SLC2A13: variants seen among roughly 807,000 people sequenced by gnomAD.
SLC2A13 encodes proton myo-inositol cotransporter.
In SLC2A13, 32 loss-of-function variants were observed where a neutral mutation model predicts 64.4. The ratio of observed to expected loss-of-function variants is 0.50; its 90% CI spans 0.37 to 0.67. SLC2A13 has a LOEUF of 0.67. Among genes scored for constraint, SLC2A13 ranks in the 30% least tolerant of loss-of-function variants. The pLI is 0.00. For missense variants in SLC2A13, 743 were observed against 829.2 expected, an observed-to-expected ratio of 0.90 and a Z score of 1.28; for synonymous variants, 338 against 327.1, an observed-to-expected ratio of 1.03 and a Z score of -0.36.
chr12:39,849,310 C>T (rs770349721), intron 6 of SLC2A13, among the ~76,000 whole-genome samples: 5 of 152,076 alleles, frequency 3.3e-5, no homozygotes, highest in African/African-American at 7.2e-5. Context: ...CAGCATTTAG[C>T]GAGCACACTG....
At chr12:39,868,875 G>A (rs145608785) in intron 5 of SLC2A13, among the ~76,000 whole-genome samples, 249 of 152,226 alleles carry the variant, frequency 1.6e-3, no homozygotes, top group African/African-American at 5.7e-3. Context: ...TTTGTATAAA[G>A]AGTTCCTTTG....
chr12:39,839,330 C>T (rs1013612953), intron 6 of SLC2A13, among the ~76,000 whole-genome samples: 11 of 152,012 alleles, frequency 7.2e-5, no homozygotes, highest in African/African-American at 2.7e-4. Context: ...TTTCCTCTCC[C>T]TGTTTAACCA....
intron 7 of SLC2A13, chr12:39,829,802 A>G: frequency 2.9e-6 from 1 of 348,166 alleles, no homozygotes; most frequent in African/African-American, 2.1e-5. Context: ...AACAATATGC[A>G]GTGGGAGAAA....
intron 1 of SLC2A13, among the ~76,000 whole-genome samples, chr12:40,085,026 A>C (rs1157538328): frequency 6.6e-6 from 1 of 152,170 alleles, no homozygotes; most frequent in Non-Finnish European, 1.5e-5. Flanking sequence ...GTAATGATAT[A>C]ATTGATTATG....
chr12:39,978,915 A>G (rs1402763444), intron 3 of SLC2A13, among the ~76,000 whole-genome samples: 17 of 149,370 alleles, frequency 1.1e-4, no homozygotes, highest in Middle Eastern at 6.9e-3. Flanking sequence ...GCAGACTTAA[A>G]TGTCCCTGTC....
chr12:39,891,618 T>C (rs1284865583), intron 4 of SLC2A13, among the ~76,000 whole-genome samples: 3 of 152,192 alleles, frequency 2.0e-5, no homozygotes, highest in Admixed American at 6.5e-5. Context: ...ATGAGTATCA[T>C]TTTCTGCAGC....
intron 3 of SLC2A13, among the ~76,000 whole-genome samples, chr12:39,958,675 G>T (rs1414763055): frequency 6.6e-6 from 1 of 152,108 alleles, no homozygotes; most frequent in Admixed American, 6.5e-5. Flanking sequence ...CAGCCCACCT[G>T]AGAAGATTTG....
intron 3 of SLC2A13, among the ~76,000 whole-genome samples, chr12:40,014,819 A>G (rs1947595864): frequency 6.6e-6 from 1 of 152,202 alleles, no homozygotes; most frequent in African/African-American, 2.4e-5. Flanking sequence ...TATCACCTTC[A>G]TATTCAAAAT....
At chr12:39,986,023 G>T (rs1029093588) in intron 3 of SLC2A13, among the ~76,000 whole-genome samples, 2 of 152,132 alleles carry the variant, frequency 1.3e-5, no homozygotes, top group African/African-American at 4.8e-5. Flanking sequence ...CCTGTGTCTT[G>T]GTTCAGGCAG....
chr12:40,101,073 T>C (rs1939133998), intron 1 of SLC2A13, among the ~76,000 whole-genome samples: 1 of 150,886 alleles, frequency 6.6e-6, no homozygotes, highest in East Asian at 1.9e-4. Flanking sequence ...GTTTAAAAAG[T>C]TCAGATGGTC....
chr12:39,902,418 G>T (rs1205485685), intron 4 of SLC2A13, among the ~76,000 whole-genome samples: 1 of 151,950 alleles, frequency 6.6e-6, no homozygotes, highest in Non-Finnish European at 1.5e-5. Flanking sequence ...TTTTAAACTT[G>T]AAATGTGTCT....
intron 3 of SLC2A13, among the ~76,000 whole-genome samples, chr12:40,014,739 C>A (rs1315493556): frequency 6.6e-6 from 1 of 152,164 alleles, no homozygotes; most frequent in Non-Finnish European, 1.5e-5. Flanking sequence ...GTGATCCATC[C>A]ACCTCAGCCT....
intron 4 of SLC2A13, among the ~76,000 whole-genome samples, chr12:39,943,361 C>T (rs117871635): frequency 0.024 from 3,606 of 152,286 alleles, 63 homozygotes; most frequent in Middle Eastern, 0.12. Context: ...CACAGCCACC[C>T]CTTCTCCCAG....
chr12:39,840,242 G>T (rs1350045015), intron 6 of SLC2A13, among the ~76,000 whole-genome samples: 3 of 151,852 alleles, frequency 2.0e-5, no homozygotes, highest in Non-Finnish European at 4.4e-5. Context: ...ATGTTGGCCA[G>T]CCACCACGCC....
At chr12:39,956,481 C>A (rs1454433007) in intron 3 of SLC2A13, among the ~76,000 whole-genome samples, 1 of 152,086 alleles carries the variant, frequency 6.6e-6, no homozygotes, top group African/African-American at 2.4e-5. Flanking sequence ...TAAAAATCAA[C>A]AACAAAAGTA....
chr12:39,941,407 C>G (rs1946023309), intron 4 of SLC2A13, among the ~76,000 whole-genome samples: 1 of 152,260 alleles, frequency 6.6e-6, no homozygotes, highest in Non-Finnish European at 1.5e-5. Flanking sequence ...GAAGTGCTCC[C>G]TGTTGACCAC....
intron 3 of SLC2A13, among the ~76,000 whole-genome samples, chr12:39,993,113 G>A (rs1374954749): frequency 6.6e-6 from 1 of 152,100 alleles, no homozygotes; most frequent in African/African-American, 2.4e-5. Context: ...AAGTACTTAT[G>A]CATTTAAGAG....
intron 4 of SLC2A13, among the ~76,000 whole-genome samples, chr12:39,896,398 A>C (rs1444545452): frequency 7.4e-6 from 1 of 135,258 alleles, no homozygotes; most frequent in Non-Finnish European, 1.6e-5. Flanking sequence ...ATGTGTATAT[A>C]TGTATACATA....
intron 6 of SLC2A13, among the ~76,000 whole-genome samples, chr12:39,834,294 G>T (rs1026620498): frequency 1.3e-5 from 2 of 151,944 alleles, no homozygotes; most frequent in Non-Finnish European, 2.9e-5. Flanking sequence ...GAAGGGACTA[G>T]GCATGAATTT....
Sources: gnomAD v4.1 joint callset for allele counts (sites outside exome capture counted in the v4.1 genomes callset) on GRCh38, gnomAD v4.1.1 for gene constraint, MANE v1.5 for transcripts, NCBI Gene and HGNC (gene_info 2026-07-23, HGNC 2026-07-21) for gene names.